PDE7B: variants seen among roughly 807,000 people sequenced by gnomAD.
The protein encoded by PDE7B is phosphodiesterase 7B, also known as 3',5'-cyclic-AMP phosphodiesterase 7B.
In PDE7B, 29 loss-of-function variants were observed where a neutral mutation model predicts 56.2. That is an observed-to-expected ratio of 0.52 (90% CI 0.38 to 0.70). PDE7B has a LOEUF of 0.70. Ranked by LOEUF, PDE7B falls within the 30% of genes least tolerant of loss-of-function variation. The probability of loss-of-function intolerance (pLI) is 0.00; values close to 1 mark genes in which losing one functional copy is unlikely to be tolerated. For synonymous variants in PDE7B, 197 were observed against 196.9 expected (o/e 1.00, Z 0.00); for missense variants, 490 against 565.0 (o/e 0.87, Z 1.35).
intron 3 of PDE7B, among the ~76,000 whole-genome samples, chr6:136,132,069 C>T (rs1317838592): frequency 6.6e-6 from 1 of 152,126 alleles, no homozygotes; most frequent in Non-Finnish European, 1.5e-5. Flanking sequence ...GATCTACCAT[C>T]TTAGCAAATT....
chr6:136,004,336 T>A (rs1340045894), intron 2 of PDE7B, among the ~76,000 whole-genome samples: 1 of 152,136 alleles, frequency 6.6e-6, no homozygotes, highest in Non-Finnish European at 1.5e-5. Flanking sequence ...TAACATAGTG[T>A]TGGAAGTTCT....
intron 1 of PDE7B, among the ~76,000 whole-genome samples, chr6:135,905,458 T>A: frequency 6.6e-6 from 1 of 152,062 alleles, no homozygotes; most frequent in East Asian, 1.9e-4. Context: ...GATTCCAAAG[T>A]CTTTTTACTT....
chr6:136,066,793 T>C (rs1027233294), intron 2 of PDE7B, among the ~76,000 whole-genome samples: 7 of 151,524 alleles, frequency 4.6e-5, no homozygotes. Flanking sequence ...TAGGGAAATA[T>C]GAATACTGGT....
chr6:135,927,349 A>C (rs760740993), intron 1 of PDE7B, among the ~76,000 whole-genome samples: 31 of 152,034 alleles, frequency 2.0e-4, no homozygotes, highest in African/African-American at 6.7e-4. Context: ...TTTTTTTCTT[A>C]GGATTACTTG....
At chr6:135,892,088 T>C (rs1333436624) in intron 1 of PDE7B, among the ~76,000 whole-genome samples, 1 of 152,190 alleles carries the variant, frequency 6.6e-6, no homozygotes, top group Non-Finnish European at 1.5e-5. Flanking sequence ...CCCAGTGAGT[T>C]CTCAAATGCT....
At chr6:135,873,828 A>G (rs1016407887) in intron 1 of PDE7B, among the ~76,000 whole-genome samples, 51 of 152,296 alleles carry the variant, frequency 3.3e-4, no homozygotes, top group African/African-American at 1.1e-3. Flanking sequence ...CAGAAATAAT[A>G]TGACAGACAT....
At chr6:135,977,339 T>C (rs892452565) in intron 2 of PDE7B, among the ~76,000 whole-genome samples, 3 of 152,014 alleles carry the variant, frequency 2.0e-5, no homozygotes, top group African/African-American at 7.2e-5. Flanking sequence ...TTGAAAACAT[T>C]TGATGAGGGG....
chr6:135,857,547 T>C (rs1013956326), intron 1 of PDE7B, among the ~76,000 whole-genome samples: 3 of 152,164 alleles, frequency 2.0e-5, no homozygotes, highest in African/African-American at 7.2e-5. Context: ...GGCTACCATA[T>C]GCCTGGATTG....
At chr6:136,027,770 C>T (rs1267353933) in intron 2 of PDE7B, among the ~76,000 whole-genome samples, 4 of 152,060 alleles carry the variant, frequency 2.6e-5, no homozygotes, top group African/African-American at 9.7e-5. Context: ...TGCAGGCACG[C>T]ACCACCATGC....
chr6:135,902,892 ATGT>A (rs1181285910), intron 1 of PDE7B, among the ~76,000 whole-genome samples: 2 of 152,262 alleles, frequency 1.3e-5, no homozygotes, highest in East Asian at 1.9e-4. Flanking sequence ...TGGAAAGTTG[ATGT>A]TGTTATTCTC....
chr6:136,153,716 G>T (rs1778561110), intron 6 of PDE7B, among the ~76,000 whole-genome samples: 1 of 152,134 alleles, frequency 6.6e-6, no homozygotes, highest in African/African-American at 2.4e-5. Flanking sequence ...ATAAACAGCA[G>T]AAACTCAATT....
chr6:136,052,884 C>T (rs908647811), intron 2 of PDE7B, among the ~76,000 whole-genome samples: 6 of 152,066 alleles, frequency 3.9e-5, no homozygotes, highest in African/African-American at 1.4e-4. Context: ...TATGACTACA[C>T]TCTTCCATCC....
chr6:136,058,709 G>C (rs1337825990), intron 2 of PDE7B, among the ~76,000 whole-genome samples: 3 of 152,038 alleles, frequency 2.0e-5, no homozygotes, highest in African/African-American at 7.2e-5. Context: ...ATGTGGATTT[G>C]GGGAAAATGT....
chr6:135,911,109 AAAG>A (rs1441284927), intron 1 of PDE7B, among the ~76,000 whole-genome samples: 1 of 152,252 alleles, frequency 6.6e-6, no homozygotes, highest in Non-Finnish European at 1.5e-5. Flanking sequence ...TTGGCTATAA[AAAG>A]GGATTCAGTA....
Position 135,851,890 on chromosome 6 carries a change from T to A in PDE7B, c.-109T>A. On this transcript the variant is annotated 5_prime_UTR_variant, in exon 1 of 13. Coordinates refer to ENST00000308191, the MANE Select transcript of PDE7B (RefSeq NM_018945.4). ...TTTTTTTGTTACTTAATTATATTCC[T>A]AATCCTGGATGAAGTTGCTGGATTC... The A allele has an allele frequency of 1.4e-6, 1 of 727,958 alleles. No homozygotes were observed. Among genetic ancestry groups the A allele is most frequent in the Non-Finnish European group, 2.5e-6 (1 of 406,076 alleles). The allele number at this position is 727,958 out of a possible 1,614,324, so 45.1% of individuals were successfully genotyped here. A position where few individuals can be genotyped will look rare whatever the true frequency, so the allele number is the denominator to read the frequency against.
intron 2 of PDE7B, among the ~76,000 whole-genome samples, chr6:135,959,523 A>G (rs1267099879): frequency 6.6e-6 from 1 of 152,166 alleles, no homozygotes; most frequent in African/African-American, 2.4e-5. Flanking sequence ...ATATTCCTGA[A>G]TTACTGCATT....
At chr6:135,998,123 T>A (rs920206124) in intron 2 of PDE7B, among the ~76,000 whole-genome samples, 2 of 152,206 alleles carry the variant, frequency 1.3e-5, no homozygotes, top group African/African-American at 4.8e-5. Flanking sequence ...ACTTTTTATT[T>A]TAAAAGTCCA....
chr6:136,086,181 G>A (rs907340342), intron 2 of PDE7B, among the ~76,000 whole-genome samples: 2 of 152,054 alleles, frequency 1.3e-5, no homozygotes, highest in African/African-American at 4.8e-5. Flanking sequence ...TGCGTGTCTG[G>A]GTAACTGGAG....
chr6:135,983,027 T>G (rs1005332499), intron 2 of PDE7B, among the ~76,000 whole-genome samples: 3 of 152,222 alleles, frequency 2.0e-5, no homozygotes, highest in Admixed American at 1.3e-4. Context: ...GTCTAATCCA[T>G]GAGTATTCAA....
Sources: gnomAD v4.1 joint callset for allele counts (sites outside exome capture counted in the v4.1 genomes callset) on GRCh38, gnomAD v4.1.1 for gene constraint, MANE v1.5 for transcripts, NCBI Gene and HGNC (gene_info 2026-07-23, HGNC 2026-07-21) for gene names.